CNOT1: variants seen among roughly 807,000 people sequenced by gnomAD.
CNOT1 encodes CCR4-associated factor 1.
Under a neutral mutation model 273.8 loss-of-function variants are expected in CNOT1, and 15 were observed. The observed-to-expected ratio is 0.05, with a 90% confidence interval of 0.04 to 0.08. The LOEUF (loss-of-function observed/expected upper bound fraction) is 0.08, where lower values mean the gene tolerates loss of function less well. CNOT1 is among the 10% of genes least tolerant of loss of function. CNOT1 has a pLI of 1.00. For synonymous variants in CNOT1, 1,022 were observed against 1,005.5 expected (o/e 1.02, Z -0.31); for missense variants, 1,644 against 2,912.2 (o/e 0.56, Z 10.02).
At chr16:58,533,642 C>A (rs1395230697) in intron 40 of CNOT1, among the ~76,000 whole-genome samples, 1 of 146,332 alleles carries the variant, frequency 6.8e-6, no homozygotes, top group East Asian at 2.1e-4. Context: ...CTCAAAACAA[C>A]AGAAAACAAA....
At chr16:58,553,936 C>T in intron 21 of CNOT1, 76 bp from the exon 22 acceptor site, 3 of 1,471,868 alleles carry the variant, frequency 2.0e-6, no homozygotes, top group East Asian at 2.6e-5. Context: ...TGTCCAAATG[C>T]TAATCTAGGT....
chr16:58,553,997 G>C, intron 21 of CNOT1, 137 bp from the exon 22 acceptor site: 1 of 1,248,488 alleles, frequency 8.0e-7, no homozygotes, highest in Non-Finnish European at 1.0e-6. Context: ...AAATGTCAAA[G>C]TGAAGAAAAC....
At chr16:58,568,006 GT>G (rs2041116240) in intron 16 of CNOT1, among the ~76,000 whole-genome samples, 1 of 152,304 alleles carries the variant, frequency 6.6e-6, no homozygotes, top group African/African-American at 2.4e-5. Flanking sequence ...GAAAGTAACT[GT>G]TTTAAACTTA....
chr16:58,607,694 TC>T (rs1450477574), intron 1 of CNOT1, among the ~76,000 whole-genome samples: 2 of 119,816 alleles, frequency 1.7e-5, no homozygotes, highest in African/African-American at 6.6e-5. Flanking sequence ...GCTATTGTAC[TC>T]CAGCCTGGGC....
chr16:58,531,135 T>TC, intron 42 of CNOT1, among the ~76,000 whole-genome samples: 1 of 152,306 alleles, frequency 6.6e-6, no homozygotes, highest in African/African-American at 2.4e-5. Flanking sequence ...CTGCTCACCC[T>TC]CCCCCAACTA....
At chr16:58,577,374 A>ATGTTTATCATGCATT (rs1413349315) in intron 13 of CNOT1, among the ~76,000 whole-genome samples, 1 of 152,214 alleles carries the variant, frequency 6.6e-6, no homozygotes, top group Admixed American at 6.5e-5. Context: ...GCTTGGTTAA[A>ATGTTTATCATGCATT]TGTTTATCAT....
At position 58,582,802 on chromosome 16, in the gene CNOT1, A is replaced by T; in HGVS notation, c.1035T>A (p.Leu345=). The change falls in exon 10 of 49, where the codon CTT becomes CTA. Residue 345 remains leucine (L), a synonymous_variant. Coordinates refer to ENST00000317147, the MANE Select transcript of CNOT1 (RefSeq NM_016284.5). ...TWNVEVLIDV[L]KELNPSLNFK... is the part of the protein sequence containing the mutation. ...CATCACATATACTCACCAGTTCTTT[A>T]AGAACGTCAATCAAGACTTCTACAT... The T allele has an allele frequency of 7.0e-7, 1 of 1,435,222 alleles. No individual in the cohort carries two copies. 88.9% of individuals were successfully genotyped at this position (1,435,222 alleles called of 1,614,324 possible). A position where few individuals can be genotyped will look rare whatever the true frequency, so the allele number is the denominator to read the frequency against.
At chr16:58,585,555 A>G in intron 7 of CNOT1, 49 bp from the exon 8 acceptor site, 4 of 1,580,162 alleles carry the variant, frequency 2.5e-6, no homozygotes, top group Non-Finnish European at 2.6e-6. Context: ...AAAACAAACA[A>G]TCCTCTTTTG....
chr16:58,624,319 T>C (rs538275007), intron 1 of CNOT1, among the ~76,000 whole-genome samples: 15 of 152,312 alleles, frequency 9.8e-5, no homozygotes, highest in African/African-American at 3.4e-4. Context: ...GAGAATATAC[T>C]GGAAGAAAGT....
intron 31 of CNOT1, chr16:58,543,203 C>A: frequency 6.7e-7 from 1 of 1,500,976 alleles, no homozygotes; most frequent in Non-Finnish European, 8.9e-7. Context: ...AGACTCAAAA[C>A]TAGTAAGTGA....
chr16:58,560,150 G>A (rs1430051763), intron 17 of CNOT1, 62 bp downstream of exon 17: 3 of 1,585,188 alleles, frequency 1.9e-6, no homozygotes, highest in East Asian at 2.2e-5. Flanking sequence ...TAATGACATA[G>A]GAGCTTATTC....
chr16:58,610,110 G>A (rs918644050), intron 1 of CNOT1, among the ~76,000 whole-genome samples: 3 of 152,116 alleles, frequency 2.0e-5, no homozygotes, highest in Non-Finnish European at 4.4e-5. Context: ...AAAGGGGAGA[G>A]AGGGCTATTT....
intron 47 of CNOT1, among the ~76,000 whole-genome samples, chr16:58,522,596 G>A (rs779084788): frequency 1.3e-5 from 2 of 152,156 alleles, no homozygotes; most frequent in African/African-American, 2.4e-5. Context: ...AATGCTATAT[G>A]TAGTCTAGGC....
intron 1 of CNOT1, among the ~76,000 whole-genome samples, chr16:58,608,751 G>GTA (rs1449720365): frequency 6.6e-6 from 1 of 152,012 alleles, no homozygotes. Context: ...ACAAACTGTG[G>GTA]TATATATATA....
intron 2 of CNOT1, 104 bp downstream of exon 2, chr16:58,599,132 A>C (rs1435409487): frequency 2.0e-6 from 3 of 1,488,858 alleles, no homozygotes; most frequent in Non-Finnish European, 2.8e-6. Context: ...TAAGGGGCAA[A>C]AGTTAGTTAC....
At chr16:58,542,593 GTGGGGGGA>G in intron 31 of CNOT1, 25 bp from the exon 32 acceptor site, 5 of 845,142 alleles carry the variant, frequency 5.9e-6, no homozygotes, top group Middle Eastern at 3.1e-4. Context: ...GGGTGGGGGG[GTGGGGGGA>G]ATAGAAGGAA....
At chr16:58,530,789 A>G in intron 42 of CNOT1, 1 of 152,060 alleles carries the variant, frequency 6.6e-6, no homozygotes, top group South Asian at 2.1e-4. Context: ...CATCAAAAAA[A>G]AAAAAAGAAA....
chr16:58,580,814 T>A, intron 11 of CNOT1, 54 bp from the exon 12 acceptor site: 1 of 1,530,468 alleles, frequency 6.5e-7, no homozygotes. Context: ...GCTATAAAAA[T>A]CTGAAATGTT....
chr16:58,617,785 C>G (rs1346120357), intron 1 of CNOT1, among the ~76,000 whole-genome samples: 1 of 152,078 alleles, frequency 6.6e-6, no homozygotes, highest in East Asian at 1.9e-4. Context: ...TCAGGAGGAC[C>G]ACTTGAAACC....
Sources: gnomAD v4.1 joint callset for allele counts (sites outside exome capture counted in the v4.1 genomes callset) on GRCh38, gnomAD v4.1.1 for gene constraint, MANE v1.5 for transcripts, NCBI Gene and HGNC (gene_info 2026-07-23, HGNC 2026-07-21) for gene names.